Variants in SAMD5 observed in about 807,000 individuals in gnomAD.
The protein encoded by SAMD5 is sterile alpha motif domain containing 5.
A neutral mutation model predicts 11.3 loss-of-function variants in SAMD5; 13 were observed. The observed-to-expected ratio is 1.15, with a 90% CI of 0.75 to 1.83. The LOEUF (loss-of-function observed/expected upper bound fraction) is 1.83. Ranked by LOEUF, SAMD5 falls within the 40% of genes most tolerant of loss-of-function variation. The pLI is 0.00. For synonymous variants in SAMD5, 129 were observed against 111.3 expected (o/e 1.16, Z -1.00); for missense variants, 255 against 239.1 (o/e 1.07, Z -0.44).
intron 1 of SAMD5, among the ~76,000 whole-genome samples, chr6:147,696,895 A>G (rs1287592956): frequency 6.6e-6 from 1 of 152,212 alleles, no homozygotes; most frequent in Non-Finnish European, 1.5e-5. Flanking sequence ...GGTAGAGATT[A>G]AAAGAAAAAA....
At chr6:147,604,328 G>T (rs1160366761) in intron 1 of SAMD5, among the ~76,000 whole-genome samples, 1 of 151,856 alleles carries the variant, frequency 6.6e-6, no homozygotes, top group African/African-American at 2.4e-5. Context: ...ATAAAGACCT[G>T]ACAGTTTTTG....
At chr6:147,653,464 G>A (rs192355994) in intron 1 of SAMD5, among the ~76,000 whole-genome samples, 1 of 152,306 alleles carries the variant, frequency 6.6e-6, no homozygotes, top group Non-Finnish European at 1.5e-5. Flanking sequence ...CCGTGGCTCC[G>A]TCGAGCAGTC....
chr6:147,793,086 G>C, the SAMD5 span, among the ~76,000 whole-genome samples: 1 of 152,170 alleles, frequency 6.6e-6, no homozygotes, highest in Non-Finnish European at 1.5e-5. Context: ...ATGGGAAAGG[G>C]AAAAAGAATA....
the SAMD5 span, among the ~76,000 whole-genome samples, chr6:147,754,048 T>C: frequency 7.2e-5 from 11 of 152,190 alleles, no homozygotes; most frequent in African/African-American, 2.4e-4. Context: ...TGATTTCTTT[T>C]CTTTTGGGTA....
At chr6:147,921,278 C>CACACACAA in the SAMD5 span, among the ~76,000 whole-genome samples, 1 of 134,808 alleles carries the variant, frequency 7.4e-6, no homozygotes, top group Non-Finnish European at 1.5e-5. Context: ...GTATAAAACA[C>CACACACAA]ACACACACAC....
chr6:147,528,889 G>T (rs1328239520), intron 1 of SAMD5, among the ~76,000 whole-genome samples: 2 of 152,128 alleles, frequency 1.3e-5, no homozygotes, highest in Non-Finnish European at 2.9e-5. Flanking sequence ...CCCTAAACAA[G>T]GGCCAAACAG....
chr6:147,756,025 A>C, the SAMD5 span, among the ~76,000 whole-genome samples: 1 of 152,122 alleles, frequency 6.6e-6, no homozygotes. Flanking sequence ...GTATTCTCAA[A>C]GGAGGATAAT....
At chr6:147,764,604 C>T in the SAMD5 span, among the ~76,000 whole-genome samples, 11 of 152,154 alleles carry the variant, frequency 7.2e-5, no homozygotes, top group African/African-American at 2.7e-4. Context: ...TTACAGAAGT[C>T]ATTACGTCTG....
chr6:147,509,409 G>A (rs780100162), intron 1 of SAMD5, 22 bp downstream of exon 1: 3 of 1,500,308 alleles, frequency 2.0e-6, no homozygotes, highest in Admixed American at 4.6e-5. Context: ...CCGTCCGGGC[G>A]GCCCGGGGCG....
rs528256109 is a variant in SAMD5 at position 147,636,054 on chromosome 6, A to T, written c.163-101263A>T. 2.0e-5 allele frequency among the ~76,000 whole-genome samples: 3 copies of T among 152,324 alleles called. No individual in the cohort carries two copies. The East Asian group carries it at 5.8e-4, about 29-fold the overall frequency. On this transcript the variant is annotated intron_variant, in intron 1 of 1. Transcript: ENST00000566741. ...TTTGATTCTGTACCATGTGCCAGTT[A>T]CTATTGTAGGTGTTGGACATATAAA...
the SAMD5 span, among the ~76,000 whole-genome samples, chr6:147,747,677 A>AT: frequency 2.3e-3 from 354 of 151,800 alleles, 2 homozygotes; most frequent in African/African-American, 8.1e-3. Flanking sequence ...CGCCCGGCTA[A>AT]TTTTTTTTGT....
chr6:147,768,492 C>T, the SAMD5 span, among the ~76,000 whole-genome samples: 7 of 151,498 alleles, frequency 4.6e-5, no homozygotes, highest in Admixed American at 1.3e-4. Context: ...AGTGAGACTC[C>T]GTCTCAAACA....
intron 1 of SAMD5, among the ~76,000 whole-genome samples, chr6:147,651,641 C>T (rs1655883102): frequency 6.6e-6 from 1 of 152,162 alleles, no homozygotes; most frequent in Non-Finnish European, 1.5e-5. Flanking sequence ...ATGCTGGCAC[C>T]CTGATCTCTG....
At chr6:147,598,531 C>T (rs1246044571) in intron 1 of SAMD5, among the ~76,000 whole-genome samples, 3 of 152,104 alleles carry the variant, frequency 2.0e-5, no homozygotes, top group African/African-American at 2.4e-5. Context: ...GCCCTGGGTT[C>T]GAGGCATTCA....
At chr6:147,549,493 T>A (rs1426786857) in intron 1 of SAMD5, among the ~76,000 whole-genome samples, 1 of 152,142 alleles carries the variant, frequency 6.6e-6, no homozygotes, top group South Asian at 2.1e-4. Context: ...GTTTCTCTCC[T>A]TGTTCTTTTT....
At chr6:147,918,833 T>C in the SAMD5 span, among the ~76,000 whole-genome samples, 2 of 151,620 alleles carry the variant, frequency 1.3e-5, no homozygotes, top group African/African-American at 4.8e-5. Flanking sequence ...GAGTCCTGAG[T>C]AGCTGGGACT....
intron 1 of SAMD5, among the ~76,000 whole-genome samples, chr6:147,601,329 C>T (rs1444439242): frequency 6.7e-6 from 1 of 149,674 alleles, no homozygotes; most frequent in Admixed American, 6.6e-5. Context: ...CCCTGAACAC[C>T]ATAAATCAGA....
At chr6:147,723,254 C>G (rs1583154002) in intron 1 of SAMD5, among the ~76,000 whole-genome samples, 2 of 152,136 alleles carry the variant, frequency 1.3e-5, no homozygotes, top group Admixed American at 6.6e-5. Flanking sequence ...AGCCAAAACT[C>G]AGGTAGGAGT....
At chr6:147,694,990 C>A (rs940488413) in intron 1 of SAMD5, among the ~76,000 whole-genome samples, 4 of 152,144 alleles carry the variant, frequency 2.6e-5, no homozygotes, top group African/African-American at 9.7e-5. Flanking sequence ...GAGTAAATAA[C>A]AGCCCATAAT....
Sources: gnomAD v4.1 joint callset for allele counts (sites outside exome capture counted in the v4.1 genomes callset) on GRCh38, gnomAD v4.1.1 for gene constraint, MANE v1.5 for transcripts, NCBI Gene and HGNC (gene_info 2026-07-23, HGNC 2026-07-21) for gene names.